KLHL13: variants seen among roughly 807,000 people sequenced by gnomAD.
The protein encoded by KLHL13 is kelch-like protein 13.
In KLHL13, 10 loss-of-function variants were observed where a neutral mutation model predicts 37.1. The ratio of observed to expected loss-of-function variants is 0.27; its 90% confidence interval spans 0.17 to 0.46. The LOEUF is 0.46. Ranked by LOEUF, KLHL13 falls within the 20% of genes least tolerant of loss-of-function variation. KLHL13 has a pLI of 1.00. For missense variants in KLHL13, 360 were observed against 509.3 expected, an observed-to-expected ratio of 0.71 and a Z score of 2.82; for synonymous variants, 163 against 181.2, an observed-to-expected ratio of 0.90 and a Z score of 0.81.
intron 2 of KLHL13, among the ~76,000 whole-genome samples, chrX:117,921,594 A>G (rs984633255): frequency 5.4e-5 from 6 of 111,863 alleles, no homozygotes; most frequent in Non-Finnish European, 7.5e-5. Flanking sequence ...ATAATACAGT[A>G]AGAACCAACA....
chrX:117,929,050 G>A (rs1265505824), intron 2 of KLHL13, among the ~76,000 whole-genome samples: 1 of 112,025 alleles, frequency 8.9e-6, no homozygotes, highest in Non-Finnish European at 1.9e-5. Flanking sequence ...AAGGAAATAT[G>A]AACAACTTCA....
chrX:118,004,234 A>T (rs1051187064), intron 1 of KLHL13, among the ~76,000 whole-genome samples: 1 of 112,070 alleles, frequency 8.9e-6, no homozygotes, highest in East Asian at 2.8e-4. Flanking sequence ...ATGGATAAAG[A>T]TATAAACATA....
At chrX:117,899,454 A>C in intron 6 of KLHL13, 59 bp from the exon 8 acceptor site, 1 of 1,015,585 alleles carries the variant, frequency 9.8e-7, no homozygotes, top group Non-Finnish European at 1.3e-6. Context: ...AAAGTAATTA[A>C]AGGAGCTCTG....
At chrX:118,044,770 A>AG (rs2054540377) in intron 1 of KLHL13, among the ~76,000 whole-genome samples, 1 of 112,082 alleles carries the variant, frequency 8.9e-6, no homozygotes, top group Admixed American at 9.5e-5. Flanking sequence ...CTAAGACCTC[A>AG]AACTATGAAA....
intron 1 of KLHL13, among the ~76,000 whole-genome samples, chrX:118,029,122 T>C (rs1274904240): frequency 9.0e-6 from 1 of 111,541 alleles, no homozygotes; most frequent in Non-Finnish European, 1.9e-5. Flanking sequence ...GGACTATTTA[T>C]ACAGGAAATT....
chrX:118,057,900 T>C (rs1048911203), intron 1 of KLHL13, among the ~76,000 whole-genome samples: 2 of 110,985 alleles, frequency 1.8e-5, no homozygotes, highest in Non-Finnish European at 3.8e-5. Flanking sequence ...ATAAATTATA[T>C]GTAAGGATAT....
chrX:117,964,062 G>A (rs912573294), intron 1 of KLHL13, among the ~76,000 whole-genome samples: 1 of 79,881 alleles, frequency 1.3e-5, no homozygotes, highest in Non-Finnish European at 2.4e-5. Flanking sequence ...GGAGGGGGGA[G>A]GGATAGCATT....
At chrX:117,938,248 T>C (rs746117986) in intron 2 of KLHL13, among the ~76,000 whole-genome samples, 4 of 111,758 alleles carry the variant, frequency 3.6e-5, no homozygotes, top group Non-Finnish European at 7.5e-5. Context: ...GTGCAACATA[T>C]TTCATGCAAC....
At chrX:118,098,310 G>A (rs192180599) in intron 1 of KLHL13, among the ~76,000 whole-genome samples, 1,777 of 111,605 alleles carry the variant, frequency 0.016, 44 homozygotes, top group African/African-American at 0.053. Flanking sequence ...TGCAGCCAAA[G>A]GACACATGAA....
At chrX:117,981,585 T>C (rs1026994251) in intron 1 of KLHL13, among the ~76,000 whole-genome samples, 2 of 108,739 alleles carry the variant, frequency 1.8e-5, no homozygotes, top group African/African-American at 7.2e-5. Context: ...ATTTATTCAT[T>C]CATTCCTTAT....
At chrX:118,046,199 T>A (rs1476018336) in intron 1 of KLHL13, among the ~76,000 whole-genome samples, 1 of 112,832 alleles carries the variant, frequency 8.9e-6, no homozygotes, top group Admixed American at 9.3e-5. Context: ...AATGGAGTAC[T>A]ATTTAACTAC....
At chrX:117,905,842 A>C (rs1459121720) in intron 5 of KLHL13, among the ~76,000 whole-genome samples, 1 of 111,348 alleles carries the variant, frequency 9.0e-6, no homozygotes, top group African/African-American at 3.3e-5. Context: ...TTATTGTAAA[A>C]CATACAATTA....
At chrX:118,102,843 A>C in intron 1 of KLHL13, among the ~76,000 whole-genome samples, 1 of 111,669 alleles carries the variant, frequency 9.0e-6, no homozygotes, top group Middle Eastern at 4.6e-3. Flanking sequence ...ATTGTGAAGT[A>C]ATAGTTTATG....
At chrX:117,909,166 T>G in intron 5 of KLHL13, 135 bp downstream of exon 6, 1 of 581,570 alleles carries the variant, frequency 1.7e-6, no homozygotes, top group African/African-American at 2.3e-5. Flanking sequence ...TCTTCAATAT[T>G]TTCTCAGAAA....
At chrX:117,910,239 A>G (rs760361246) in intron 4 of KLHL13, 143 bp from the exon 6 acceptor site, 1 of 459,389 alleles carries the variant, frequency 2.2e-6, no homozygotes, top group Admixed American at 4.7e-5. Flanking sequence ...ATCTAAATGT[A>G]TCAATGATCT....
Position 117,950,860 on chromosome X carries a change from C to G in KLHL13, c.99-5285G>C, listed in dbSNP as rs986895997. Among the ~76,000 whole-genome samples the G allele has an allele frequency of 2.7e-5, 3 of 112,452 alleles. No individual in the cohort carries two copies. The Admixed American group carries it at 2.8e-4, about 11-fold the overall frequency. ...GCAGCATTTGCTAAATGAAACATTTCTTGTGATAAAGTTGCATGGCAGGTG... is the reference window on the plus strand; with the variant it reads ...GCAGCATTTGCTAAATGAAACATTTGTTGTGATAAAGTTGCATGGCAGGTG... On this transcript the variant is annotated intron_variant, in intron 1 of 6. Transcript: ENST00000262820.
intron 1 of KLHL13, among the ~76,000 whole-genome samples, chrX:118,086,461 TA>T (rs752365550): frequency 1.9e-3 from 212 of 109,970 alleles, no homozygotes; most frequent in African/African-American, 6.5e-3. Flanking sequence ...GTGAACATAC[TA>T]AAAAAAAACA....
chrX:117,926,885 C>CTTTTTTTTTTTTTTTTTTTTTTTTTT (rs10596292), intron 2 of KLHL13, among the ~76,000 whole-genome samples: 1 of 26,155 alleles, frequency 3.8e-5, no homozygotes, highest in African/African-American at 1.1e-4. Flanking sequence ...CCCCCTACTT[C>CTTTTTTTTTTTTTTTTTTTTTTTTTT]TTTTTTTTTT....
At chrX:117,981,830 AC>A (rs1199497027) in intron 1 of KLHL13, among the ~76,000 whole-genome samples, 1 of 111,568 alleles carries the variant, frequency 9.0e-6, no homozygotes, top group African/African-American at 3.2e-5. Flanking sequence ...TTGAATGGAT[AC>A]TCTAAACAGG....
Sources: allele counts gnomAD v4.1 joint callset (sites outside exome capture counted in the v4.1 genomes callset), GRCh38; gene constraint gnomAD v4.1.1; transcripts MANE v1.5; gene names NCBI Gene and HGNC (gene_info 2026-07-23, HGNC 2026-07-21).